Variants in MRTFB observed in about 807,000 individuals in gnomAD.
MRTFB encodes the protein myocardin-related transcription factor B.
A neutral mutation model predicts 104.2 loss-of-function variants in MRTFB; 29 were observed. The observed-to-expected ratio is 0.28, with a 90% CI of 0.21 to 0.38. The LOEUF is 0.38. Ranked by LOEUF, MRTFB falls within the 10% of genes least tolerant of loss-of-function variation. The probability of loss-of-function intolerance (pLI) is 1.00; values close to 1 mark genes in which losing one functional copy is unlikely to be tolerated. For missense variants in MRTFB, 1,270 were observed against 1,341.6 expected, an observed-to-expected ratio of 0.95 and a Z score of 0.83; for synonymous variants, 535 against 519.5, an observed-to-expected ratio of 1.03 and a Z score of -0.41.
the MRTFB span, among the ~76,000 whole-genome samples, chr16:14,030,353 G>C: frequency 6.6e-6 from 1 of 152,262 alleles, no homozygotes. Context: ...ACACTGCCAC[G>C]GAGTCAGATA....
the MRTFB span, among the ~76,000 whole-genome samples, chr16:14,040,149 T>C: frequency 2.2e-4 from 34 of 152,378 alleles, no homozygotes; most frequent in Non-Finnish European, 4.1e-4. Flanking sequence ...GCAAAAGTTA[T>C]TGCAATTTTT....
At chr16:14,153,544 TGAA>T (rs1352705013) in intron 3 of MRTFB, among the ~76,000 whole-genome samples, 1 of 152,216 alleles carries the variant, frequency 6.6e-6, no homozygotes, top group Non-Finnish European at 1.5e-5. Context: ...TTCAAAAAGT[TGAA>T]GATTTTATTT....
intron 2 of MRTFB, among the ~76,000 whole-genome samples, chr16:14,101,789 T>G (rs1047152921): frequency 6.6e-6 from 1 of 152,210 alleles, no homozygotes; most frequent in African/African-American, 2.4e-5. Context: ...CAATAAACTA[T>G]TCCTTGTTTA....
chr16:14,119,684 G>A (rs934556406), intron 2 of MRTFB, among the ~76,000 whole-genome samples: 1 of 152,010 alleles, frequency 6.6e-6, no homozygotes, highest in East Asian at 1.9e-4. Flanking sequence ...AAAAAATCTG[G>A]TCTGTTTTAA....
chr16:14,026,563 C>T, the MRTFB span, among the ~76,000 whole-genome samples: 1 of 152,114 alleles, frequency 6.6e-6, no homozygotes, highest in African/African-American at 2.4e-5. Flanking sequence ...TTTATCAAAA[C>T]TTAGAACTTT....
intron 15 of MRTFB, among the ~76,000 whole-genome samples, chr16:14,254,297 G>C (rs1389895871): frequency 6.6e-6 from 1 of 152,126 alleles, no homozygotes; most frequent in East Asian, 1.9e-4. Flanking sequence ...TATTAATGTG[G>C]GTCATAACAA....
At position 14,140,527 on chromosome 16, in the gene MRTFB, A is replaced by G. The variant is rs2037941589; in HGVS notation, c.-63-17A>G. On this transcript the variant is annotated splice_polypyrimidine_tract_variant and intron_variant, in intron 2 of 16. Transcript: ENST00000571589. ...ACATAACTGCACCATCTCTTTACAC[A>G]TTCTTTATTTTGGCAGTGTCTTCAA... 2.6e-6 allele frequency: 4 copies of G among 1,534,096 alleles called. No homozygotes were observed. Among genetic ancestry groups the G allele is most frequent in the East Asian group, 4.5e-5 (2 of 44,154 alleles).
At chr16:14,244,209 T>C (rs2151387716) in intron 10 of MRTFB, among the ~76,000 whole-genome samples, 1 of 152,336 alleles carries the variant, frequency 6.6e-6, no homozygotes, top group African/African-American at 2.4e-5. Flanking sequence ...GCATCTTTGT[T>C]GGTGCTGATA....
chr16:14,058,184 C>A, the MRTFB span, among the ~76,000 whole-genome samples: 1 of 152,158 alleles, frequency 6.6e-6, no homozygotes, highest in African/African-American at 2.4e-5. Flanking sequence ...AAAATCACCA[C>A]TGGGGCACTG....
the MRTFB span, among the ~76,000 whole-genome samples, chr16:14,000,099 GGAGAGACA>G: frequency 6.6e-6 from 1 of 152,258 alleles, no homozygotes; most frequent in South Asian, 2.1e-4. Context: ...GGTGGGGGCT[GGAGAGACA>G]GAGAGAGAGA....
At chr16:14,123,889 C>T (rs887433222) in intron 2 of MRTFB, among the ~76,000 whole-genome samples, 2 of 152,178 alleles carry the variant, frequency 1.3e-5, no homozygotes, top group African/African-American at 4.8e-5. Context: ...ATTGATTCTT[C>T]CTATCCATGA....
intron 3 of MRTFB, among the ~76,000 whole-genome samples, chr16:14,185,833 G>A (rs1455490125): frequency 6.6e-6 from 1 of 152,140 alleles, no homozygotes; most frequent in South Asian, 2.1e-4. Context: ...GTATATATCT[G>A]GAGTATTTGG....
At chr16:14,106,897 G>T (rs2036008112) in intron 2 of MRTFB, among the ~76,000 whole-genome samples, 1 of 152,128 alleles carries the variant, frequency 6.6e-6, no homozygotes, top group South Asian at 2.1e-4. Flanking sequence ...GAGTAAAATT[G>T]TATGTTCAAG....
chr16:14,118,120 C>CTT (rs371065251), intron 2 of MRTFB, among the ~76,000 whole-genome samples: 102 of 135,456 alleles, frequency 7.5e-4, no homozygotes, highest in African/African-American at 2.1e-3. Flanking sequence ...ATTCCCTCAT[C>CTT]TTTTTTTTTT....
At chr16:14,244,512 T>C (rs767055677) in intron 10 of MRTFB, among the ~76,000 whole-genome samples, 4 of 152,208 alleles carry the variant, frequency 2.6e-5, no homozygotes, top group Non-Finnish European at 5.9e-5. Flanking sequence ...TGCAAAGTAG[T>C]TGCATCATTC....
At chr16:14,046,501 G>A in the MRTFB span, among the ~76,000 whole-genome samples, 8 of 151,916 alleles carry the variant, frequency 5.3e-5, no homozygotes, top group Non-Finnish European at 7.4e-5. Context: ...TTCTTCCCAC[G>A]GTGCACAACA....
At chr16:14,161,048 CTTCTA>C (rs1220566899) in intron 3 of MRTFB, among the ~76,000 whole-genome samples, 6 of 110,448 alleles carry the variant, frequency 5.4e-5, no homozygotes, top group Non-Finnish European at 1.1e-4. Context: ...AGTGTCACTG[CTTCTA>C]TTCTGTTCTG....
the MRTFB span, among the ~76,000 whole-genome samples, chr16:14,045,678 T>C: frequency 1.3e-5 from 2 of 152,220 alleles, 1 homozygote; most frequent in Admixed American, 1.3e-4. Flanking sequence ...GCAATTCATG[T>C]ACTCTCCAAA....
At chr16:14,046,643 C>G in the MRTFB span, among the ~76,000 whole-genome samples, 2 of 152,140 alleles carry the variant, frequency 1.3e-5, no homozygotes, top group South Asian at 4.1e-4. Flanking sequence ...GGTGCTAATC[C>G]TCCAGCTCAC....
Sources: gnomAD v4.1 joint callset for allele counts (sites outside exome capture counted in the v4.1 genomes callset) on GRCh38, gnomAD v4.1.1 for gene constraint, MANE v1.5 for transcripts, NCBI Gene and HGNC (gene_info 2026-07-23, HGNC 2026-07-21) for gene names.